The following RASSF9 variants were observed in gnomAD, a reference collection of about 807,000 sequenced individuals.
RASSF9 encodes ras association domain-containing protein 9.
Under a neutral mutation model 21.4 loss-of-function variants are expected in RASSF9, and 18 were observed. That is an observed-to-expected ratio of 0.84 (90% CI 0.58 to 1.25). The LOEUF (loss-of-function observed/expected upper bound fraction) is 1.25, where lower values mean the gene tolerates loss of function less well. Ranked by LOEUF, RASSF9 falls within the 50% of genes most tolerant of loss-of-function variation. The pLI is 0.00. For missense variants in RASSF9, 480 were observed against 503.2 expected (o/e 0.95, Z 0.44); for synonymous variants, 183 against 179.1 (o/e 1.02, Z -0.18).
chr12:85,811,909 T>G (rs1423112598), intron 1 of RASSF9, among the ~76,000 whole-genome samples: 5 of 151,778 alleles, frequency 3.3e-5, no homozygotes, highest in African/African-American at 1.2e-4. Context: ...TGATTAAAAC[T>G]CATCACAATC....
chr12:85,826,733 G>A (rs61930075), intron 1 of RASSF9, among the ~76,000 whole-genome samples: 9,451 of 151,958 alleles, frequency 0.062, 421 homozygotes, highest in Middle Eastern at 0.18. Flanking sequence ...ATGAGCCACC[G>A]CGCCTGGCCC....
chr12:85,832,363 C>T (rs535848956), intron 1 of RASSF9, among the ~76,000 whole-genome samples: 1 of 151,906 alleles, frequency 6.6e-6, no homozygotes, highest in South Asian at 2.1e-4. Context: ...AATTAAAACA[C>T]TAAGAAATCA....
Position 85,805,016 on chromosome 12 carries a change from T to A in RASSF9, c.994A>T (p.Ile332Phe). Residue 332 changes from isoleucine (I) to phenylalanine (F), a missense_variant, in exon 2 of 2, where the codon ATT becomes TTT. Physicochemically the swap from Ile to Phe is conservative, Grantham distance 21 (BLOSUM62 0). Coordinates refer to ENST00000361228, the MANE Select transcript of RASSF9 (RefSeq NM_005447.4). ...LEKSMKAGLK[I>F]HSHLSGIQKE... ...TGGATGCCACTCAAATGAGAGTGAATTTTCAAACCAGCTTTCATGCTTTTC... is the reference window on the plus strand; with the variant it reads ...TGGATGCCACTCAAATGAGAGTGAAATTTCAAACCAGCTTTCATGCTTTTC... 1 of 1,613,930 alleles carries A rather than the reference T, an allele frequency of 6.2e-7. No individual in the cohort carries two copies. The highest frequency in any genetic ancestry group is 1.1e-5 in the South Asian group (1 of 91,082).
Position 85,804,586 on chromosome 12 carries a change from T to C in RASSF9, c.*116A>G. 2 of 1,060,798 alleles carry C rather than the reference T, an allele frequency of 1.9e-6. No individual in the cohort carries two copies. Among genetic ancestry groups the C allele is most frequent in the South Asian group, 2.5e-5 (1 of 39,534 alleles). The allele number at this position is 1,060,798 out of a possible 1,614,324, so 65.7% of individuals were successfully genotyped here. A position where few individuals can be genotyped will look rare whatever the true frequency, so the allele number is the denominator to read the frequency against. On this transcript the variant is annotated 3_prime_UTR_variant, in exon 2 of 2. Coordinates refer to ENST00000361228, the MANE Select transcript of RASSF9 (RefSeq NM_005447.4). ...ACACATTTCTCGAGTTTTTATTAAC[T>C]ATTGAATACTACAATATGATTTACA...
chr12:85,811,778 C>A (rs945738643), intron 1 of RASSF9, among the ~76,000 whole-genome samples: 2 of 151,676 alleles, frequency 1.3e-5, no homozygotes, highest in African/African-American at 4.8e-5. Flanking sequence ...GTTATCTACA[C>A]CATTACATAT....
chr12:85,806,072 A>ATT (rs113430296), intron 1 of RASSF9, 110 bp from the exon 2 acceptor site: 71 of 1,192,904 alleles, frequency 6.0e-5, no homozygotes, highest in African/African-American at 2.5e-4. Context: ...TGAGAGAGGC[A>ATT]TTTTTTTTCT....
intron 1 of RASSF9, among the ~76,000 whole-genome samples, chr12:85,823,239 C>T (rs1377982884): frequency 1.3e-5 from 2 of 151,878 alleles, no homozygotes; most frequent in Non-Finnish European, 2.9e-5. Context: ...CTCCACTCAT[C>T]CTCAGTAGCC....
intron 1 of RASSF9, among the ~76,000 whole-genome samples, chr12:85,814,659 A>AT (rs77205176): frequency 0.056 from 8,276 of 148,322 alleles, 463 homozygotes; most frequent in African/African-American, 0.14. Context: ...ATGAATAGAA[A>AT]TTTTTTTTTT....
At chr12:85,833,263 ATAAT>A (rs1452850375) in intron 1 of RASSF9, among the ~76,000 whole-genome samples, 1 of 151,898 alleles carries the variant, frequency 6.6e-6, no homozygotes, top group African/African-American at 2.4e-5. Flanking sequence ...AGAGAATAAA[ATAAT>A]TAGTATATTT....
intron 1 of RASSF9, among the ~76,000 whole-genome samples, chr12:85,831,872 G>A (rs1880458804): frequency 6.6e-6 from 1 of 151,882 alleles, no homozygotes; most frequent in Admixed American, 6.6e-5. Flanking sequence ...ACAATATAAT[G>A]TACTTGGCCT....
chr12:85,829,816 T>G (rs1414274436), intron 1 of RASSF9, among the ~76,000 whole-genome samples: 1 of 152,168 alleles, frequency 6.6e-6, no homozygotes, highest in Non-Finnish European at 1.5e-5. Context: ...TCCAAGAGAT[T>G]GTACTCTAAT....
chr12:85,825,672 A>G (rs1880317778), intron 1 of RASSF9, among the ~76,000 whole-genome samples: 5 of 152,152 alleles, frequency 3.3e-5, no homozygotes, highest in Admixed American at 2.0e-4. Flanking sequence ...TGCCCCAGAA[A>G]TCTGCACTGT....
At chr12:85,827,465 T>A (rs1277787576) in intron 1 of RASSF9, among the ~76,000 whole-genome samples, 1 of 152,202 alleles carries the variant, frequency 6.6e-6, no homozygotes, top group African/African-American at 2.4e-5. Context: ...CCTAGGCAAG[T>A]TGACCTTTTG....
At chr12:85,813,916 T>C (rs1022163468) in intron 1 of RASSF9, among the ~76,000 whole-genome samples, 1 of 152,028 alleles carries the variant, frequency 6.6e-6, no homozygotes, top group Non-Finnish European at 1.5e-5. Context: ...TAACTCTTTA[T>C]TTCCTAGGCC....
rs1429396981 is a variant in RASSF9 at position 85,803,112 on chromosome 12, G to A, written c.*1590C>T. 2 of 152,112 alleles carry A rather than the reference G, an allele frequency of 1.3e-5. No homozygotes were observed. Among genetic ancestry groups the A allele is most frequent in the African/African-American group, 4.8e-5 (2 of 41,428 alleles). 9.4% of individuals were successfully genotyped at this position (152,112 alleles called of 1,614,324 possible). Reference sequence around the variant, plus strand: ...GACAGGAGAAGGCAGGAACAAATATGTTAAGAAGATTTAAGGAGCAATATA... The same window carrying A: ...GACAGGAGAAGGCAGGAACAAATATATTAAGAAGATTTAAGGAGCAATATA... On this transcript the variant is annotated 3_prime_UTR_variant, in exon 2 of 2. Coordinates refer to ENST00000361228, the MANE Select transcript of RASSF9 (RefSeq NM_005447.4).
intron 1 of RASSF9, among the ~76,000 whole-genome samples, chr12:85,820,399 G>C (rs1210716287): frequency 6.6e-6 from 1 of 152,090 alleles, no homozygotes; most frequent in East Asian, 1.9e-4. Flanking sequence ...CTTCACTTTA[G>C]GAATTCTGAG....
intron 1 of RASSF9, among the ~76,000 whole-genome samples, chr12:85,808,634 T>G (rs1247227101): frequency 6.6e-6 from 1 of 152,042 alleles, no homozygotes; most frequent in Non-Finnish European, 1.5e-5. Context: ...ACAAGTCAGC[T>G]CTAAATAAAT....
Position 85,803,244 on chromosome 12 carries a change from T to C in RASSF9, c.*1458A>G, listed in dbSNP as rs945597419. 1 of 152,044 alleles carries C rather than the reference T, an allele frequency of 6.6e-6. No homozygotes were observed. Among genetic ancestry groups the C allele is most frequent in the South Asian group, 2.1e-4 (1 of 4,822 alleles). 9.4% of individuals were successfully genotyped at this position (152,044 alleles called of 1,614,324 possible). On this transcript the variant is annotated 3_prime_UTR_variant, in exon 2 of 2. Coordinates refer to ENST00000361228, the MANE Select transcript of RASSF9 (RefSeq NM_005447.4). The stretch of plus-strand genomic sequence containing the variant: ...TGAGTTAAAACCTGCACTAAAAGTA[T>C]GCAAAAGAATAAAAGAGAAGAAATG...
intron 1 of RASSF9, among the ~76,000 whole-genome samples, chr12:85,831,088 T>G (rs1046613841): frequency 3.3e-5 from 5 of 152,062 alleles, no homozygotes; most frequent in Admixed American, 2.6e-4. Context: ...GGCAAAGAGA[T>G]TCCTTGTCAA....
Sources: gnomAD v4.1 joint callset for allele counts (sites outside exome capture counted in the v4.1 genomes callset) on GRCh38, gnomAD v4.1.1 for gene constraint, MANE v1.5 for transcripts, NCBI Gene and HGNC (gene_info 2026-07-23, HGNC 2026-07-21) for gene names.